FANCB: variants seen among roughly 807,000 people sequenced by gnomAD.
FANCB encodes FA complementation group B.
FANCB carries 5 observed loss-of-function variants against 38.9 expected under a neutral mutation model. The observed-to-expected ratio is 0.13, with a 90% confidence interval of 0.07 to 0.27. FANCB has a LOEUF of 0.27. FANCB is among the 10% of genes least tolerant of loss of function. The pLI is 1.00. For missense variants in FANCB, 573 were observed against 602.7 expected (o/e 0.95, Z 0.52); for synonymous variants, 236 against 215.4 (o/e 1.10, Z -0.84).
chrX:14,857,471 CTT>C (rs2092427853), intron 5 of FANCB, among the ~76,000 whole-genome samples: 1 of 111,190 alleles, frequency 9.0e-6, no homozygotes, highest in South Asian at 3.7e-4. Flanking sequence ...AATAAAAACT[CTT>C]TTGTGGAGCT....
chrX:14,757,364 T>C, the FANCB span, among the ~76,000 whole-genome samples: 19 of 111,978 alleles, frequency 1.7e-4, no homozygotes, highest in African/African-American at 6.2e-4. Flanking sequence ...GTCACTCGGA[T>C]GGACAGAGCA....
At chrX:14,694,837 A>T in the FANCB span, among the ~76,000 whole-genome samples, 1 of 112,274 alleles carries the variant, frequency 8.9e-6, no homozygotes, top group South Asian at 3.7e-4. Flanking sequence ...ATGCTGATGC[A>T]TTTTATGTGA....
the FANCB span, among the ~76,000 whole-genome samples, chrX:14,804,801 C>T: frequency 9.0e-6 from 1 of 111,602 alleles, no homozygotes; most frequent in Non-Finnish European, 1.9e-5. Flanking sequence ...TATATTTCAT[C>T]CTCTTCCAAA....
chrX:14,857,711 T>C, intron 5 of FANCB, 151 bp downstream of exon 5: 2 of 493,034 alleles, frequency 4.1e-6, no homozygotes, highest in East Asian at 7.1e-5. Flanking sequence ...ATAATATTTG[T>C]ACAGAGGTGC....
At chrX:14,749,649 C>A in the FANCB span, among the ~76,000 whole-genome samples, 1 of 111,768 alleles carries the variant, frequency 8.9e-6, no homozygotes, top group Non-Finnish European at 1.9e-5. Context: ...CCAAATGTAA[C>A]ATCTTATCAT....
the FANCB span, among the ~76,000 whole-genome samples, chrX:14,692,709 G>A: frequency 1.8e-5 from 2 of 111,504 alleles, no homozygotes; most frequent in African/African-American, 6.5e-5. Context: ...CTTACTGACT[G>A]CATACTCTCC....
intron 6 of FANCB, among the ~76,000 whole-genome samples, chrX:14,851,029 C>T (rs1018593041): frequency 6.3e-5 from 7 of 111,396 alleles, no homozygotes; most frequent in Non-Finnish European, 1.1e-4. Flanking sequence ...TTATCAGTGA[C>T]TTGCACTAAG....
At chrX:14,690,920 T>C in the FANCB span, 4 of 1,124,611 alleles carry the variant, frequency 3.6e-6, no homozygotes, top group East Asian at 1.2e-4. Flanking sequence ...GGCAATGTAA[T>C]TCAGAAAACA....
chrX:14,793,643 A>C, the FANCB span, among the ~76,000 whole-genome samples: 3 of 112,487 alleles, frequency 2.7e-5, no homozygotes, highest in Non-Finnish European at 3.8e-5. Flanking sequence ...GTAATGTCTT[A>C]AGCTGTTCAT....
intron 3 of FANCB, among the ~76,000 whole-genome samples, chrX:14,863,872 C>T (rs1363129067): frequency 8.9e-6 from 1 of 112,151 alleles, no homozygotes; most frequent in Non-Finnish European, 1.9e-5. Flanking sequence ...TGGTGACTCA[C>T]GCCTGTAATC....
chrX:14,800,311 C>T, the FANCB span, among the ~76,000 whole-genome samples: 1 of 111,801 alleles, frequency 8.9e-6, no homozygotes, highest in African/African-American at 3.2e-5. Flanking sequence ...GAGGGACAGA[C>T]AGGAGAATGC....
At chrX:14,863,924 C>T (rs989025918) in intron 3 of FANCB, among the ~76,000 whole-genome samples, 1 of 111,786 alleles carries the variant, frequency 8.9e-6, no homozygotes, top group Admixed American at 9.5e-5. Flanking sequence ...CACTTGAAGC[C>T]AGGAGTTTGA....
At chrX:14,805,693 C>A in the FANCB span, among the ~76,000 whole-genome samples, 1 of 112,221 alleles carries the variant, frequency 8.9e-6, no homozygotes, top group African/African-American at 3.2e-5. Flanking sequence ...CTCCATTCTG[C>A]CCCTCTGACT....
chrX:14,750,924 C>G, the FANCB span, among the ~76,000 whole-genome samples: 2 of 108,591 alleles, frequency 1.8e-5, no homozygotes, highest in African/African-American at 6.7e-5. Flanking sequence ...TCAAGCCAGG[C>G]TAGGTTCTAA....
chrX:14,789,079 C>A, the FANCB span, among the ~76,000 whole-genome samples: 2 of 111,711 alleles, frequency 1.8e-5, no homozygotes, highest in Admixed American at 9.6e-5. Flanking sequence ...TTATTTAATA[C>A]CACAACACTA....
chrX:14,705,213 G>A, the FANCB span, among the ~76,000 whole-genome samples: 2 of 112,130 alleles, frequency 1.8e-5, no homozygotes, highest in Admixed American at 1.9e-4. Flanking sequence ...TACATCAGAT[G>A]AACCTGGAGA....
the FANCB span, among the ~76,000 whole-genome samples, chrX:14,698,269 CT>C: frequency 1.8e-5 from 2 of 111,702 alleles, no homozygotes; most frequent in African/African-American, 6.5e-5. Context: ...GATTTTGCCC[CT>C]GAGGCCTCAC....
At chrX:14,775,972 C>G in the FANCB span, among the ~76,000 whole-genome samples, 3 of 111,252 alleles carry the variant, frequency 2.7e-5, no homozygotes, top group Non-Finnish European at 5.7e-5. Context: ...GAAAGAACAG[C>G]AGTGCCCAGT....
chrX:14,816,478 T>C, the FANCB span, among the ~76,000 whole-genome samples: 1 of 112,216 alleles, frequency 8.9e-6, no homozygotes, highest in Non-Finnish European at 1.9e-5. Context: ...CTTTATTTAT[T>C]TTAATCCAAG....
Sources: allele counts gnomAD v4.1 joint callset (sites outside exome capture counted in the v4.1 genomes callset), GRCh38; gene constraint gnomAD v4.1.1; transcripts MANE v1.5; gene names NCBI Gene and HGNC (gene_info 2026-07-23, HGNC 2026-07-21).